The following EIPR1 variants were observed in gnomAD, a reference collection of about 807,000 sequenced individuals.
EIPR1 encodes EARP complex and GARP complex interacting protein 1, also known as EARP and GARP complex-interacting protein 1.
EIPR1 carries 25 observed loss-of-function variants against 48.1 expected under a neutral mutation model. The observed-to-expected ratio is 0.52, with a 90% confidence interval of 0.38 to 0.73. The LOEUF (loss-of-function observed/expected upper bound fraction) is 0.73, where lower values mean the gene tolerates loss of function less well. EIPR1 is among the 30% of genes least tolerant of loss of function. The pLI is 0.00. For synonymous variants in EIPR1, 204 were observed against 201.9 expected (o/e 1.01, Z -0.09); for missense variants, 415 against 506.2 (o/e 0.82, Z 1.73).
At position 3,232,961 on chromosome 2, in the gene EIPR1, C is replaced by T. The variant is rs183853030; in HGVS notation, c.417-18713G>A. 5.3e-3 allele frequency among the ~76,000 whole-genome samples: 809 copies of T among 152,252 alleles called. 7 individuals carry two copies. Among genetic ancestry groups the T allele is most frequent in the Non-Finnish European group, 6.9e-3 (470 of 68,032 alleles). On this transcript the variant is annotated intron_variant, in intron 4 of 8. Coordinates refer to ENST00000382125, the MANE Select transcript of EIPR1 (RefSeq NM_003310.5). The stretch of plus-strand genomic sequence containing the variant: ...AAACACAAGAAGCCTCTTGCCTTTG[C>T]GAAGTCTCACGTTAAGCTGTATTAC...
At chr2:3,322,320 TGA>T (rs1162551058) in intron 3 of EIPR1, among the ~76,000 whole-genome samples, 1 of 152,230 alleles carries the variant, frequency 6.6e-6, no homozygotes, top group Admixed American at 6.5e-5. Context: ...AGTTTGGGAC[TGA>T]GTCTTCTCAT....
chr2:3,372,081 T>C (rs7563878), intron 1 of EIPR1, among the ~76,000 whole-genome samples: 110,784 of 149,708 alleles, frequency 0.74, 42,635 homozygotes, highest in Non-Finnish European at 0.85. Context: ...AAGAAACTCA[T>C]TCAAAACCGC....
intron 3 of EIPR1, among the ~76,000 whole-genome samples, chr2:3,313,984 G>A (rs963635659): frequency 2.0e-5 from 3 of 152,162 alleles, no homozygotes; most frequent in South Asian, 2.1e-4. Flanking sequence ...GCCCTGAGCC[G>A]CTGGGACCCG....
chr2:3,207,672 T>A (rs1486562771), intron 5 of EIPR1: 1 of 152,180 alleles, frequency 6.6e-6, no homozygotes, highest in Non-Finnish European at 1.5e-5. Flanking sequence ...AGACGCCTGG[T>A]TCTAAAAATA....
At chr2:3,262,145 A>C (rs1667353317) in intron 3 of EIPR1, 1 of 152,402 alleles carries the variant, frequency 6.6e-6, no homozygotes, top group Admixed American at 6.5e-5. Flanking sequence ...GTCCTATCCC[A>C]ATGAAGAAAG....
At chr2:3,314,611 G>A (rs1183251092) in intron 3 of EIPR1, among the ~76,000 whole-genome samples, 1 of 151,766 alleles carries the variant, frequency 6.6e-6, no homozygotes, top group Non-Finnish European at 1.5e-5. Context: ...GCCCTCGGTG[G>A]TCTCACTCAC....
chr2:3,313,393 C>T (rs906658324), intron 3 of EIPR1, among the ~76,000 whole-genome samples: 16 of 151,404 alleles, frequency 1.1e-4, no homozygotes, highest in Admixed American at 9.2e-4. Flanking sequence ...GTTCAAGGCG[C>T]ACAGACCTGA....
intron 4 of EIPR1, among the ~76,000 whole-genome samples, chr2:3,253,627 G>T (rs769059475): frequency 6.6e-6 from 1 of 152,224 alleles, no homozygotes; most frequent in Non-Finnish European, 1.5e-5. Context: ...GCTAGTCTCT[G>T]TCTGCTTCCA....
Position 3,214,159 on chromosome 2 carries a change from C to A in EIPR1, c.506G>T (p.Ser169Ile). Reference protein sequence around the residue: ...ILLWDLQESSSQAVLASSASL... With the variant: ...ILLWDLQESSIQAVLASSASL... ...GTTGCTTTTACTTACCACAGCCTGGCTCGAGCTTTCCTGTAAATCCCACAG... is the reference window on the plus strand; with the variant it reads ...GTTGCTTTTACTTACCACAGCCTGGATCGAGCTTTCCTGTAAATCCCACAG... The change falls in exon 5 of 9, where the codon AGC (serine) becomes ATC (isoleucine). Residue 169 changes from serine to isoleucine, a missense_variant. Transcript: ENST00000382125. 4 of 1,613,538 alleles carry A rather than the reference C, an allele frequency of 2.5e-6. No individual in the cohort carries two copies. The highest frequency in any genetic ancestry group is 3.4e-6 in the Non-Finnish European group (4 of 1,179,718).
intron 4 of EIPR1, among the ~76,000 whole-genome samples, chr2:3,218,880 T>A (rs1179591532): frequency 2.8e-3 from 273 of 97,534 alleles, no homozygotes; most frequent in Non-Finnish European, 2.8e-3. Flanking sequence ...GCTCTAGAGC[T>A]TTCACAGTGA....
At chr2:3,335,073 C>T (rs979271567) in intron 3 of EIPR1, among the ~76,000 whole-genome samples, 1 of 152,208 alleles carries the variant, frequency 6.6e-6, no homozygotes, top group Non-Finnish European at 1.5e-5. Context: ...GTGGTCCCAG[C>T]GGACAGCCAG....
At chr2:3,298,185 G>A (rs369319680) in intron 3 of EIPR1, among the ~76,000 whole-genome samples, 63 of 152,090 alleles carry the variant, frequency 4.1e-4, no homozygotes, top group Admixed American at 4.1e-3. Context: ...CTTGAGATTC[G>A]TGCGGCCCAC....
At chr2:3,250,985 G>A (rs1028493193) in intron 4 of EIPR1, among the ~76,000 whole-genome samples, 15 of 151,642 alleles carry the variant, frequency 9.9e-5, no homozygotes, top group African/African-American at 3.6e-4. Flanking sequence ...TTCCTTTATA[G>A]CAATGCAAAC....
At chr2:3,220,114 G>C (rs4539819) in intron 4 of EIPR1, among the ~76,000 whole-genome samples, 139,550 of 152,274 alleles carry the variant, frequency 0.92, 64,254 homozygotes, top group East Asian at 0.98. Context: ...AAGTTTCATC[G>C]CAAAACTAGC....
At chr2:3,206,194 TGTG>T (rs1342104636) in intron 5 of EIPR1, among the ~76,000 whole-genome samples, 1 of 152,154 alleles carries the variant, frequency 6.6e-6, no homozygotes, top group Non-Finnish European at 1.5e-5. Flanking sequence ...CCCAGGCTCT[TGTG>T]GTGGGATACC....
At chr2:3,208,957 T>G in intron 5 of EIPR1, 1 of 1,494,578 alleles carries the variant, frequency 6.7e-7, no homozygotes, top group South Asian at 1.3e-5. Context: ...GATTCTTCCC[T>G]CTAATAGGAC....
intron 2 of EIPR1, among the ~76,000 whole-genome samples, chr2:3,338,713 T>C (rs1342315922): frequency 6.6e-6 from 1 of 152,202 alleles, no homozygotes; most frequent in Non-Finnish European, 1.5e-5. Context: ...CAAAAACAAG[T>C]CCAACAGCCG....
chr2:3,206,054 T>C (rs1031736366), intron 5 of EIPR1, among the ~76,000 whole-genome samples: 21 of 152,232 alleles, frequency 1.4e-4, no homozygotes, highest in African/African-American at 4.8e-4. Flanking sequence ...ATGGAGGCGA[T>C]GGAAATGAAA....
chr2:3,274,517 T>A (rs1667791464), intron 3 of EIPR1: 4 of 1,383,634 alleles, frequency 2.9e-6, no homozygotes, highest in Non-Finnish European at 1.9e-6. Context: ...ACTTGGGGTA[T>A]AAATAAAATA....
Sources: gnomAD v4.1 joint callset for allele counts (sites outside exome capture counted in the v4.1 genomes callset) on GRCh38, gnomAD v4.1.1 for gene constraint, MANE v1.5 for transcripts, NCBI Gene and HGNC (gene_info 2026-07-23, HGNC 2026-07-21) for gene names.